The following ACER1 variants were observed in gnomAD, a reference collection of about 807,000 sequenced individuals.
The protein encoded by ACER1 is alkaline ceramidase 1, also known as CTB-180A7.3.
A neutral mutation model predicts 24.9 loss-of-function variants in ACER1; 28 were observed. That is an observed-to-expected ratio of 1.13 (90% CI 0.83 to 1.54). ACER1 has a LOEUF of 1.54. ACER1 is among the 40% of genes most tolerant of loss of function. ACER1 has a pLI of 0.00. For synonymous variants in ACER1, 132 were observed against 131.4 expected (o/e 1.00, Z -0.03); for missense variants, 352 against 349.3 (o/e 1.01, Z -0.06).
intron 1 of ACER1, among the ~76,000 whole-genome samples, chr19:6,317,748 T>C (rs567038192): frequency 7.5e-4 from 114 of 152,182 alleles, no homozygotes; most frequent in African/African-American, 2.7e-3. Context: ...TTTGTTAGTT[T>C]TGTTTTTGTG....
At chr19:6,347,218 CTTTTTCTT>C in the ACER1 span, among the ~76,000 whole-genome samples, 1 of 132,208 alleles carries the variant, frequency 7.6e-6, no homozygotes, top group Non-Finnish European at 1.5e-5. Context: ...CTTTTCTTTT[CTTTTTCTT>C]TTTTTTTTTT....
chr19:6,329,236 T>A (rs2145017440), intron 1 of ACER1, among the ~76,000 whole-genome samples: 1 of 152,078 alleles, frequency 6.6e-6, no homozygotes, highest in East Asian at 1.9e-4. Flanking sequence ...TATGATTTAT[T>A]AGCTATGGGT....
the ACER1 span, among the ~76,000 whole-genome samples, chr19:6,359,619 C>G: frequency 6.6e-6 from 1 of 151,810 alleles, no homozygotes; most frequent in African/African-American, 2.4e-5. Context: ...CAACACCTCG[C>G]CTGAATCTGC....
rs371345803 is a variant in ACER1 at position 6,315,592 on chromosome 19, G to A, written c.94-3093C>T. 5.3e-5 allele frequency among the ~76,000 whole-genome samples: 8 copies of A among 151,866 alleles called. No homozygotes were observed. The East Asian group carries it at 1.6e-3, about 30-fold the overall frequency. On this transcript the variant is annotated intron_variant, in intron 1 of 5. Transcript: ENST00000301452. ...GGCGGAGTTTCACCGTGTTAGTCAGGATGGTCTCGATCTCCTGATCCTGTG... is the reference window on the plus strand; with the variant it reads ...GGCGGAGTTTCACCGTGTTAGTCAGAATGGTCTCGATCTCCTGATCCTGTG...
intron 1 of ACER1, among the ~76,000 whole-genome samples, chr19:6,320,958 A>G (rs534793341): frequency 6.6e-6 from 1 of 151,844 alleles, no homozygotes; most frequent in Non-Finnish European, 1.5e-5. Flanking sequence ...CAATGTATTC[A>G]GTGCTTAGGA....
At chr19:6,323,154 T>C (rs113752471) in intron 1 of ACER1, among the ~76,000 whole-genome samples, 13,922 of 149,598 alleles carry the variant, frequency 0.093, 1,348 homozygotes, top group African/African-American at 0.25. Context: ...GGCGCAGTGG[T>C]TCACACCTGT....
In ACER1 at chr19:6,312,043, C is replaced by T. The variant is rs975736772; in HGVS notation, c.350+106G>A. On this transcript the variant is annotated intron_variant, in intron 3 of 5. Transcript: ENST00000301452. ...TGGTCAGGGGAGGAATTCCAAGGGCCCCAAAGAGGGTCAAGGGTGGGGACC... is the reference window on the plus strand; with the variant it reads ...TGGTCAGGGGAGGAATTCCAAGGGCTCCAAAGAGGGTCAAGGGTGGGGACC... 7 of 1,426,654 alleles carry T rather than the reference C, an allele frequency of 4.9e-6. No homozygotes were observed. The African/African-American group carries it at 5.8e-5, about 12-fold the overall frequency. 88.4% of individuals were successfully genotyped at this position (1,426,654 alleles called of 1,614,324 possible).
intron 1 of ACER1, among the ~76,000 whole-genome samples, chr19:6,315,601 G>A (rs1425557119): frequency 4.6e-5 from 7 of 151,704 alleles, no homozygotes; most frequent in Admixed American, 1.3e-4. Flanking sequence ...GGATGGTCTC[G>A]ATCTCCTGAT....
chr19:6,351,841 C>T, the ACER1 span, among the ~76,000 whole-genome samples: 12 of 152,068 alleles, frequency 7.9e-5, no homozygotes, highest in African/African-American at 1.9e-4. Context: ...TGGATCACAA[C>T]GCCAGGAGAT....
the ACER1 span, among the ~76,000 whole-genome samples, chr19:6,358,156 C>A: frequency 6.6e-6 from 1 of 152,178 alleles, no homozygotes. Flanking sequence ...TGACTCACAG[C>A]AGAAACTGGG....
the ACER1 span, among the ~76,000 whole-genome samples, chr19:6,347,091 G>A: frequency 1.3e-5 from 1 of 76,888 alleles, no homozygotes; most frequent in Non-Finnish European, 1.9e-5. Flanking sequence ...ACGAGTCCCT[G>A]TCTCTACAAA....
At chr19:6,351,397 A>C in the ACER1 span, among the ~76,000 whole-genome samples, 1 of 150,900 alleles carries the variant, frequency 6.6e-6, no homozygotes, top group Non-Finnish European at 1.5e-5. Flanking sequence ...ATAATAAATA[A>C]ATAAGAGTTA....
chr19:6,327,543 C>T (rs977623582), intron 1 of ACER1, among the ~76,000 whole-genome samples: 114 of 151,098 alleles, frequency 7.5e-4, no homozygotes, highest in African/African-American at 2.7e-3. Context: ...CCAGCCTGGG[C>T]GGCAGAGCGA....
the ACER1 span, among the ~76,000 whole-genome samples, chr19:6,341,032 T>C: frequency 6.6e-6 from 1 of 151,936 alleles, no homozygotes; most frequent in African/African-American, 2.4e-5. Flanking sequence ...CCGTCCAGTG[T>C]CTAGAGGCAA....
chr19:6,351,391 T>A, the ACER1 span, among the ~76,000 whole-genome samples: 26 of 150,868 alleles, frequency 1.7e-4, no homozygotes, highest in Non-Finnish European at 3.7e-4. Flanking sequence ...ATAATAATAA[T>A]AAATAAATAA....
In ACER1 at chr19:6,306,315, T is replaced by A. The variant is rs1473537329; in HGVS notation, c.*399A>T. 6.3e-6 allele frequency: 1 copy of A among 159,424 alleles called. No individual in the cohort carries two copies. Among genetic ancestry groups the A allele is most frequent in the Non-Finnish European group, 1.4e-5 (1 of 72,598 alleles). 9.9% of individuals were successfully genotyped at this position (159,424 alleles called of 1,614,324 possible). A position where few individuals can be genotyped will look rare whatever the true frequency, so the allele number is the denominator to read the frequency against. ...CACCCACCTCGGCCTCCCAAAGTGCTGGGATTATAGGCGTGAGCCACCGTT... is the reference window on the plus strand; with the variant it reads ...CACCCACCTCGGCCTCCCAAAGTGCAGGGATTATAGGCGTGAGCCACCGTT... On this transcript the variant is annotated 3_prime_UTR_variant, in exon 6 of 6. Coordinates refer to ENST00000301452, the MANE Select transcript of ACER1 (RefSeq NM_133492.3).
At chr19:6,318,346 G>A (rs1055276839) in intron 1 of ACER1, among the ~76,000 whole-genome samples, 15 of 151,978 alleles carry the variant, frequency 9.9e-5, no homozygotes, top group Non-Finnish European at 2.2e-4. Context: ...GCGCATGCCT[G>A]TAATCCCAGC....
intron 1 of ACER1, among the ~76,000 whole-genome samples, chr19:6,312,774 C>T (rs1271749461): frequency 2.0e-5 from 3 of 151,296 alleles, no homozygotes; most frequent in Non-Finnish European, 2.9e-5. Flanking sequence ...CTCCCAGGTT[C>T]GAGCGATTCT....
chr19:6,352,004 C>T, the ACER1 span, among the ~76,000 whole-genome samples: 10 of 144,856 alleles, frequency 6.9e-5, no homozygotes, highest in South Asian at 1.8e-3. Context: ...TGCAGTGAGC[C>T]GAGATCACAC....
Sources: allele counts gnomAD v4.1 joint callset (sites outside exome capture counted in the v4.1 genomes callset), GRCh38; gene constraint gnomAD v4.1.1; transcripts MANE v1.5; gene names NCBI Gene and HGNC (gene_info 2026-07-23, HGNC 2026-07-21).